NTM: variants seen among roughly 807,000 people sequenced by gnomAD.
NTM encodes the protein neurotrimin.
NTM carries 13 observed loss-of-function variants against 42.1 expected under a neutral mutation model. The observed-to-expected ratio is 0.31, with a 90% CI of 0.20 to 0.49. The LOEUF (loss-of-function observed/expected upper bound fraction) is 0.49, where lower values mean the gene tolerates loss of function less well. NTM is among the 20% of genes least tolerant of loss of function. NTM has a pLI of 0.99. For synonymous variants in NTM, 187 were observed against 179.2 expected (o/e 1.04, Z -0.35); for missense variants, 373 against 452.8 (o/e 0.82, Z 1.60).
chr11:131,676,134 T>C (rs2071340926), intron 1 of NTM, among the ~76,000 whole-genome samples: 1 of 152,184 alleles, frequency 6.6e-6, no homozygotes, highest in Non-Finnish European at 1.5e-5. Context: ...GATAATTTGA[T>C]TTTTAGCAAG....
rs996592964 is a variant in NTM at position 132,334,474 on chromosome 11, A to C, written c.968-572A>C. On this transcript the variant is annotated intron_variant, in intron 8 of 8. Transcript: ENST00000683400. Reference sequence around the variant, plus strand: ...ACCCCATCCAGATGGGGAAGAGGTCAAGTGCTCCAGGTGGAACCCAGGTGC... The same window carrying C: ...ACCCCATCCAGATGGGGAAGAGGTCCAGTGCTCCAGGTGGAACCCAGGTGC... Among the ~76,000 whole-genome samples the C allele has an allele frequency of 4.6e-5, 7 of 152,348 alleles. No homozygotes were observed. The East Asian group carries it at 1.2e-3, about 25-fold the overall frequency.
chr11:132,290,524 T>A (rs528537149), intron 4 of NTM, among the ~76,000 whole-genome samples: 2 of 152,324 alleles, frequency 1.3e-5, no homozygotes, highest in African/African-American at 4.8e-5. Flanking sequence ...AAAGCATAGA[T>A]GAAGAATTAA....
intron 2 of NTM, among the ~76,000 whole-genome samples, chr11:132,089,472 A>G (rs2136384647): frequency 6.6e-6 from 1 of 152,326 alleles, no homozygotes; most frequent in East Asian, 1.9e-4. Context: ...TAATGTTTTA[A>G]GTCAGAATTT....
At chr11:131,871,571 CTA>C (rs1264036566) in intron 1 of NTM, among the ~76,000 whole-genome samples, 1 of 152,134 alleles carries the variant, frequency 6.6e-6, no homozygotes, top group Non-Finnish European at 1.5e-5. Flanking sequence ...GTTGCCTCTT[CTA>C]TGTTTATTAA....
chr11:131,372,084 G>A (rs1207530779), intron 1 of NTM, among the ~76,000 whole-genome samples: 1 of 152,212 alleles, frequency 6.6e-6, no homozygotes, highest in East Asian at 1.9e-4. Context: ...CTTCTCCGAG[G>A]TTAGGATTTA....
intron 1 of NTM, among the ~76,000 whole-genome samples, chr11:131,584,348 G>A (rs2137214984): frequency 6.6e-6 from 1 of 152,240 alleles, no homozygotes; most frequent in African/African-American, 2.4e-5. Context: ...TTATATCCCA[G>A]GATCGCAGAG....
At chr11:132,008,157 T>TG (rs1382753815) in intron 2 of NTM, among the ~76,000 whole-genome samples, 1 of 152,184 alleles carries the variant, frequency 6.6e-6, no homozygotes, top group Non-Finnish European at 1.5e-5. Context: ...CTCCACTGTA[T>TG]GGGGATCATG....
chr11:131,957,864 T>TTGTG (rs202100364), intron 2 of NTM, among the ~76,000 whole-genome samples: 5 of 149,486 alleles, frequency 3.3e-5, no homozygotes, highest in East Asian at 4.0e-4. Flanking sequence ...GAATAGGTGG[T>TTGTG]TGTGTGTGTG....
chr11:132,315,833 C>A (rs189941429), intron 7 of NTM, among the ~76,000 whole-genome samples: 2 of 152,120 alleles, frequency 1.3e-5, no homozygotes, highest in Non-Finnish European at 2.9e-5. Context: ...GCCCTTGATC[C>A]CCGAGCCAGT....
intron 1 of NTM, among the ~76,000 whole-genome samples, chr11:131,598,848 T>TTCCTTC (rs1565686543): frequency 2.4e-5 from 1 of 41,192 alleles, no homozygotes; most frequent in African/African-American, 7.8e-5. Flanking sequence ...TTTCTTTCTT[T>TTCCTTC]CTTCCTTCCT....
chr11:132,075,187 A>G (rs2058201740), intron 2 of NTM, among the ~76,000 whole-genome samples: 1 of 152,148 alleles, frequency 6.6e-6, no homozygotes. Flanking sequence ...GGCTGGAATG[A>G]GAGGGGAATG....
chr11:131,957,116 TG>T (rs2061639880), intron 2 of NTM, among the ~76,000 whole-genome samples: 1 of 152,224 alleles, frequency 6.6e-6, no homozygotes, highest in African/African-American at 2.4e-5. Flanking sequence ...GAGGTGGCCA[TG>T]CTAGAATTTA....
chr11:131,472,507 A>ATGTG (rs940742629), intron 1 of NTM, among the ~76,000 whole-genome samples: 25 of 152,166 alleles, frequency 1.6e-4, no homozygotes, highest in African/African-American at 5.5e-4. Flanking sequence ...GTGAGTGTGT[A>ATGTG]TGTGTGTTGG....
intron 1 of NTM, among the ~76,000 whole-genome samples, chr11:131,698,460 C>G (rs760640488): frequency 1.4e-4 from 22 of 152,154 alleles, no homozygotes; most frequent in Admixed American, 9.2e-4. Context: ...TAACCACTTT[C>G]CATGAATGCC....
intron 1 of NTM, among the ~76,000 whole-genome samples, chr11:131,568,797 G>T (rs942339325): frequency 1.3e-5 from 2 of 152,158 alleles, no homozygotes; most frequent in Admixed American, 6.5e-5. Flanking sequence ...AATATGAGGG[G>T]GCCTTAGTAA....
At chr11:131,562,418 G>T (rs1288320717) in intron 1 of NTM, among the ~76,000 whole-genome samples, 2 of 152,186 alleles carry the variant, frequency 1.3e-5, no homozygotes, top group African/African-American at 4.8e-5. Context: ...AAGACGGGAA[G>T]GTGGGGAGAG....
At chr11:132,072,203 C>A (rs1026526379) in intron 2 of NTM, among the ~76,000 whole-genome samples, 2 of 152,126 alleles carry the variant, frequency 1.3e-5, no homozygotes, top group Admixed American at 6.5e-5. Context: ...GGCTGCAAAC[C>A]CCCCAAGCAG....
chr11:131,676,675 G>C (rs2071460596), intron 1 of NTM, among the ~76,000 whole-genome samples: 1 of 152,202 alleles, frequency 6.6e-6, no homozygotes, highest in Admixed American at 6.5e-5. Flanking sequence ...ATTTGCTCAA[G>C]AAGTCTGCCT....
At chr11:131,644,758 A>AT (rs11436430) in intron 1 of NTM, among the ~76,000 whole-genome samples, 29,667 of 150,044 alleles carry the variant, frequency 0.2, 2,999 homozygotes, top group South Asian at 0.23. Flanking sequence ...TGAAAGATAC[A>AT]TTTTTTTTTT....
Sources: allele counts gnomAD v4.1 joint callset (sites outside exome capture counted in the v4.1 genomes callset), GRCh38; gene constraint gnomAD v4.1.1; transcripts MANE v1.5; gene names NCBI Gene and HGNC (gene_info 2026-07-23, HGNC 2026-07-21).